Variants in TRIM23 observed in about 807,000 individuals in gnomAD.
TRIM23 encodes the protein E3 ubiquitin-protein ligase TRIM23.
In TRIM23, 27 loss-of-function variants were observed where a neutral mutation model predicts 71.0. That is an observed-to-expected ratio of 0.38 (90% CI 0.28 to 0.52). TRIM23 has a LOEUF of 0.52. Among genes scored for constraint, TRIM23 ranks in the 20% least tolerant of loss-of-function variants. The pLI is 0.84. For synonymous variants in TRIM23, 234 were observed against 238.0 expected (o/e 0.98, Z 0.16); for missense variants, 482 against 692.3 (o/e 0.70, Z 3.41).
At position 65,590,825 on chromosome 5, in the gene TRIM23, T is replaced by TA; in HGVS notation, c.*943dup. ...AGTAATAAGCATTTGCCACTGTACT[T>TA]ACAACTTCTCTTGAAGTTCGCTTTC... On this transcript the variant is annotated 3_prime_UTR_variant, in exon 11 of 11. Coordinates refer to ENST00000231524, the MANE Select transcript of TRIM23 (RefSeq NM_001656.4). 2.0e-6 allele frequency: 2 copies of TA among 985,564 alleles called. No individual in the cohort carries two copies. The highest frequency in any genetic ancestry group is 2.4e-6 in the Non-Finnish European group (2 of 830,048). 61.1% of individuals were successfully genotyped at this position (985,564 alleles called of 1,614,324 possible).
chr5:65,605,146 G>T, intron 6 of TRIM23, 101 bp from the exon 7 acceptor site: 1 of 1,061,852 alleles, frequency 9.4e-7, no homozygotes, highest in Non-Finnish European at 1.3e-6. Flanking sequence ...TAACATTATA[G>T]TAGTCAAAGT....
intron 7 of TRIM23, among the ~76,000 whole-genome samples, chr5:65,602,819 C>T (rs1186127180): frequency 2.0e-5 from 3 of 152,166 alleles, no homozygotes; most frequent in Non-Finnish European, 4.4e-5. Context: ...GACTTATTCA[C>T]TATCACAAGA....
At chr5:65,615,040 G>A (rs532917616) in intron 2 of TRIM23, among the ~76,000 whole-genome samples, 28 of 152,046 alleles carry the variant, frequency 1.8e-4, no homozygotes, top group South Asian at 6.2e-4. Context: ...TGGGACTACA[G>A]GTGTGTGCCA....
intron 1 of TRIM23, 90 bp downstream of exon 1, chr5:65,624,104 C>A: frequency 2.0e-6 from 3 of 1,529,320 alleles, no homozygotes; most frequent in Middle Eastern, 1.7e-4. Context: ...TCCCACCTAT[C>A]GAAGCCTGGG....
In TRIM23 at chr5:65,589,842, C is replaced by A. The variant is rs1307539543; in HGVS notation, c.*1927G>T. On this transcript the variant is annotated 3_prime_UTR_variant, in exon 11 of 11. Coordinates refer to ENST00000231524, the MANE Select transcript of TRIM23 (RefSeq NM_001656.4). ...CATACAGTAATATTTAGACCTAATACAGAAATTCAGCTACTAGGAAAATTC... is the reference window on the plus strand; with the variant it reads ...CATACAGTAATATTTAGACCTAATAAAGAAATTCAGCTACTAGGAAAATTC... 1 of 152,930 alleles carries A rather than the reference C, an allele frequency of 6.5e-6. No homozygotes were observed. Among genetic ancestry groups the A allele is most frequent in the African/African-American group, 2.4e-5 (1 of 41,424 alleles). 9.5% of individuals were successfully genotyped at this position (152,930 alleles called of 1,614,324 possible).
In TRIM23 at chr5:65,591,918, T is replaced by G; in HGVS notation, c.1576A>C (p.Ile526Leu). ...DVAGALSVEEITELLSLHKLC... is the reference protein window; with the variant it reads ...DVAGALSVEELTELLSLHKLC... ...TTATGGAGACTGAGTAGTTCAGTGA[T>G]TTCTTCTACTGACAGTGCTCCAGCA... Residue 526 changes from isoleucine (I) to leucine (L), a missense_variant, in exon 11 of 11, where the codon ATC becomes CTC. Ile to Leu is a conservative substitution (Grantham distance 5). This residue lies in a region of TRIM23 where 307 missense variants were observed against 495.8 expected (regional missense o/e 0.62). Coordinates refer to ENST00000231524, the MANE Select transcript of TRIM23 (RefSeq NM_001656.4). 1.2e-6 allele frequency: 2 copies of G among 1,613,754 alleles called. No individual in the cohort carries two copies. Among genetic ancestry groups the G allele is most frequent in the Non-Finnish European group, 1.7e-6 (2 of 1,179,794 alleles).
chr5:65,609,643 T>C (rs1347256611), intron 5 of TRIM23, among the ~76,000 whole-genome samples, 185 bp from the exon 6 acceptor site: 3 of 152,080 alleles, frequency 2.0e-5, no homozygotes, highest in East Asian at 1.9e-4. Context: ...GGCGGGAGGA[T>C]TGATTGAGCC....
chr5:65,603,693 T>TA (rs952118985), intron 7 of TRIM23, among the ~76,000 whole-genome samples: 1,534 of 151,112 alleles, frequency 0.01, 28 homozygotes, highest in African/African-American at 0.036. Flanking sequence ...ATAATTAAAT[T>TA]AAAAAAAAAC....
At position 65,590,209 on chromosome 5, in the gene TRIM23, T is replaced by C; in HGVS notation, c.*1560A>G. On this transcript the variant is annotated 3_prime_UTR_variant, in exon 11 of 11. Transcript: ENST00000231524. ...AGCAATACAACACCTTTTTTATTTT[T>C]CACAGTTATTGAAATCAGTCAAATA... 1.1e-6 allele frequency: 1 copy of C among 873,504 alleles called. No homozygotes were observed. The highest frequency in any genetic ancestry group is 1.8e-6 in the Non-Finnish European group (1 of 558,322). The allele number at this position is 873,504 out of a possible 1,614,324, so 54.1% of individuals were successfully genotyped here. A position where few individuals can be genotyped will look rare whatever the true frequency, so the allele number is the denominator to read the frequency against.
At chr5:65,623,994 G>C (rs1451628181) in intron 1 of TRIM23, among the ~76,000 whole-genome samples, 200 bp downstream of exon 1, 1 of 152,224 alleles carries the variant, frequency 6.6e-6, no homozygotes, top group Non-Finnish European at 1.5e-5. Flanking sequence ...ATGATGACAT[G>C]TCATGAGCAG....
At chr5:65,595,237 T>A (rs996420940) in intron 9 of TRIM23, among the ~76,000 whole-genome samples, 1 of 151,124 alleles carries the variant, frequency 6.6e-6, no homozygotes, top group African/African-American at 2.4e-5. Flanking sequence ...TAGTGAGACC[T>A]TATCTCTATT....
At chr5:65,592,550 TA>T (rs1181778141) in intron 10 of TRIM23, among the ~76,000 whole-genome samples, 53 of 145,506 alleles carry the variant, frequency 3.6e-4, no homozygotes, top group East Asian at 6.0e-4. Context: ...GGCATCAACT[TA>T]AAAAAAAAAA....
intron 2 of TRIM23, among the ~76,000 whole-genome samples, chr5:65,615,585 T>A (rs894984867): frequency 1.7e-4 from 25 of 151,470 alleles, no homozygotes; most frequent in African/African-American, 6.1e-4. Flanking sequence ...ACTGAACATA[T>A]CTATCCTCAG....
At position 65,594,661 on chromosome 5, in the gene TRIM23, TA is replaced by T. The variant is rs566071764; in HGVS notation, c.1421-17del. The T allele has an allele frequency of 3.3e-6, 5 of 1,522,456 alleles. No individual in the cohort carries two copies. The highest frequency in any genetic ancestry group is 1.3e-5 in the South Asian group (1 of 78,860). The allele number at this position is 1,522,456 out of a possible 1,614,324, so 94.3% of individuals were successfully genotyped here. On this transcript the variant is annotated splice_polypyrimidine_tract_variant and intron_variant, in intron 9 of 10. Transcript: ENST00000231524. The stretch of plus-strand genomic sequence containing the variant: ...AACACAACAGCTACCCAAAAAAAAA[TA>T]AAAAAAACAAAAATAGTCACTTGCT...
rs1214720710 is a variant in TRIM23, at chr5:65,590,736, CAT to C, written c.*1031_*1032del. 7 of 985,138 alleles carry C rather than the reference CAT, an allele frequency of 7.1e-6. No homozygotes were observed. The African/African-American group carries it at 1.1e-4, about 15-fold the overall frequency. The allele number at this position is 985,138 out of a possible 1,614,324, so 61.0% of individuals were successfully genotyped here. On this transcript the variant is annotated 3_prime_UTR_variant, in exon 11 of 11. Coordinates refer to ENST00000231524, the MANE Select transcript of TRIM23 (RefSeq NM_001656.4). ...CTAGAGTAACTTTTCAAGGCCTTCT[CAT>C]GAACAGCCTTAAGTTTTATTGTCAA...
At position 65,601,302 on chromosome 5, in the gene TRIM23, T is replaced by C. The variant is rs540095203; in HGVS notation, c.1179+3609A>G. Among the ~76,000 whole-genome samples, 57 of 152,320 alleles carry C rather than the reference T, an allele frequency of 3.7e-4. 1 individual carries two copies. The highest frequency in any genetic ancestry group is 1.3e-3 in the African/African-American group (54 of 41,562). On this transcript the variant is annotated intron_variant, in intron 7 of 10. Coordinates refer to ENST00000231524, the MANE Select transcript of TRIM23 (RefSeq NM_001656.4). ...GTGGTATACACATTGTATTAGTCCA[T>C]TTTCATGCTGCTGATAAAGACATAC...
At chr5:65,607,469 T>G (rs1254367712) in intron 6 of TRIM23, among the ~76,000 whole-genome samples, 1 of 152,184 alleles carries the variant, frequency 6.6e-6, no homozygotes, top group African/African-American at 2.4e-5. Context: ...ACCTCTCCTT[T>G]GCTCTCTCTT....
At chr5:65,593,232 T>G (rs1186851618) in intron 10 of TRIM23, among the ~76,000 whole-genome samples, 1 of 152,070 alleles carries the variant, frequency 6.6e-6, no homozygotes, top group African/African-American at 2.4e-5. Flanking sequence ...GTCAGGAGTT[T>G]GAGACCAGCC....
Position 65,609,299 on chromosome 5 carries a change from T to C in TRIM23, c.988A>G (p.Ile330Val). The change falls in exon 6 of 11, where the codon ATT becomes GTT. Residue 330 changes from isoleucine (I) to valine (V), a missense_variant. This residue lies in a region of TRIM23 where 307 missense variants were observed against 495.8 expected (regional missense o/e 0.62). Transcript: ENST00000231524. ...WLRQQQEDMTILLSEVSAACL... is the reference protein window; with the variant it reads ...WLRQQQEDMTVLLSEVSAACL... ...GCTGCAGAAACCTCTGACAACAAAA[T>C]AGTCATATCTTCTTGTTGCTGCCTG... The C allele has an allele frequency of 6.2e-7, 1 of 1,614,180 alleles. No homozygotes were observed. Among genetic ancestry groups the C allele is most frequent in the South Asian group, 1.1e-5 (1 of 91,086 alleles).
Sources: allele counts gnomAD v4.1 joint callset (sites outside exome capture counted in the v4.1 genomes callset), GRCh38; gene constraint gnomAD v4.1.1; regional missense constraint gnomAD v4.1.1; transcripts MANE v1.5; gene names NCBI Gene and HGNC (gene_info 2026-07-23, HGNC 2026-07-21).